MAML3: variants seen among roughly 807,000 people sequenced by gnomAD.
MAML3 encodes the protein mastermind-like protein 3.
A neutral mutation model predicts 101.9 loss-of-function variants in MAML3; 27 were observed. The observed-to-expected ratio is 0.27, with a 90% CI of 0.20 to 0.37. The LOEUF is 0.37. Among genes scored for constraint, MAML3 ranks in the 10% least tolerant of loss-of-function variants. The probability of loss-of-function intolerance (pLI) is 1.00; values close to 1 mark genes in which losing one functional copy is unlikely to be tolerated. For missense variants in MAML3, 1,316 were observed against 1,444.9 expected, an observed-to-expected ratio of 0.91 and a Z score of 1.45; for synonymous variants, 501 against 555.9, an observed-to-expected ratio of 0.90 and a Z score of 1.39.
At chr4:140,151,701 G>GC (rs984027225) in intron 1 of MAML3, among the ~76,000 whole-genome samples, 12 of 151,836 alleles carry the variant, frequency 7.9e-5, no homozygotes, top group Admixed American at 7.2e-4. Flanking sequence ...GGGGGGGGGG[G>GC]GCACACACCT....
chr4:139,988,135 T>C (rs1355727625), intron 1 of MAML3, among the ~76,000 whole-genome samples: 1 of 150,908 alleles, frequency 6.6e-6, no homozygotes, highest in African/African-American at 2.4e-5. Flanking sequence ...AAGACCAGCC[T>C]GGCCAACATG....
At chr4:139,832,031 G>A (rs544662305) in intron 2 of MAML3, among the ~76,000 whole-genome samples, 90 of 147,960 alleles carry the variant, frequency 6.1e-4, no homozygotes, top group African/African-American at 2.2e-3. Flanking sequence ...CTGACTTCGT[G>A]ATCCACCCAC....
intron 1 of MAML3, among the ~76,000 whole-genome samples, chr4:140,036,299 T>C (rs1002653374): frequency 2.6e-5 from 4 of 152,302 alleles, no homozygotes; most frequent in Admixed American, 2.6e-4. Context: ...TTGCCTCAAG[T>C]GGACACAGCA....
intron 2 of MAML3, among the ~76,000 whole-genome samples, chr4:139,748,508 G>T (rs1648090290): frequency 1.3e-5 from 2 of 152,304 alleles, no homozygotes; most frequent in Admixed American, 6.5e-5. Context: ...AAATGCATCA[G>T]TGGAAATGAG....
At chr4:140,080,607 T>G (rs914860435) in intron 1 of MAML3, among the ~76,000 whole-genome samples, 1 of 152,084 alleles carries the variant, frequency 6.6e-6, no homozygotes, top group Non-Finnish European at 1.5e-5. Flanking sequence ...GCAGAGCACC[T>G]CTAAAAAACC....
chr4:139,898,902 G>A (rs747578089), intron 1 of MAML3, among the ~76,000 whole-genome samples: 4 of 152,176 alleles, frequency 2.6e-5, no homozygotes, highest in Non-Finnish European at 5.9e-5. Flanking sequence ...AGATTTAAGT[G>A]CCCTTAGAAA....
intron 1 of MAML3, among the ~76,000 whole-genome samples, chr4:140,121,558 T>C (rs1728606267): frequency 6.6e-6 from 1 of 152,226 alleles, no homozygotes; most frequent in Admixed American, 6.5e-5. Flanking sequence ...TAGCCACTGA[T>C]TTAGCCTACG....
chr4:140,062,435 C>T (rs368081670), intron 1 of MAML3, among the ~76,000 whole-genome samples: 5 of 152,118 alleles, frequency 3.3e-5, no homozygotes, highest in Admixed American at 6.5e-5. Context: ...GGCAGGGCCA[C>T]GCTATCTATG....
intron 1 of MAML3, among the ~76,000 whole-genome samples, chr4:140,013,776 C>T (rs1036982993): frequency 6.6e-6 from 1 of 152,186 alleles, no homozygotes; most frequent in Non-Finnish European, 1.5e-5. Context: ...CTTCCCCATC[C>T]CCAGTGTAAA....
intron 1 of MAML3, among the ~76,000 whole-genome samples, chr4:140,036,632 A>G (rs757921438): frequency 6.6e-6 from 1 of 152,166 alleles, no homozygotes; most frequent in Admixed American, 6.5e-5. Context: ...TGAGAAGAAC[A>G]GCTGCCTATT....
chr4:139,990,007 C>A (rs1734634440), intron 1 of MAML3, among the ~76,000 whole-genome samples: 1 of 151,914 alleles, frequency 6.6e-6, no homozygotes, highest in Non-Finnish European at 1.5e-5. Flanking sequence ...AAAATCAGGA[C>A]TGTAAGAAAA....
At chr4:140,075,115 T>C (rs1233281298) in intron 1 of MAML3, among the ~76,000 whole-genome samples, 2 of 152,218 alleles carry the variant, frequency 1.3e-5, no homozygotes, top group Non-Finnish European at 2.9e-5. Context: ...TTTAGATCTA[T>C]CATCTCATTT....
intron 2 of MAML3, among the ~76,000 whole-genome samples, chr4:139,773,715 T>A (rs559856805): frequency 1.3e-5 from 2 of 152,256 alleles, no homozygotes; most frequent in East Asian, 3.9e-4. Context: ...GGAGAGTGAA[T>A]CTGTGGAGTC....
chr4:139,734,179 A>C (rs1579373894), intron 2 of MAML3, among the ~76,000 whole-genome samples: 1 of 152,294 alleles, frequency 6.6e-6, no homozygotes, highest in Admixed American at 6.5e-5. Context: ...AACATAATAC[A>C]TGGCTTCTTT....
At chr4:140,079,296 TA>T (rs1352096853) in intron 1 of MAML3, among the ~76,000 whole-genome samples, 6 of 152,110 alleles carry the variant, frequency 3.9e-5, no homozygotes, top group Admixed American at 1.3e-4. Flanking sequence ...TTAATTAATT[TA>T]AAAAAAATTT....
At chr4:140,128,768 A>G (rs1728730091) in intron 1 of MAML3, among the ~76,000 whole-genome samples, 1 of 152,220 alleles carries the variant, frequency 6.6e-6, no homozygotes, top group Non-Finnish European at 1.5e-5. Flanking sequence ...AGTGGGCCAC[A>G]TGCAGGGCAA....
intron 1 of MAML3, among the ~76,000 whole-genome samples, chr4:140,026,011 G>C (rs775258148): frequency 2.6e-5 from 4 of 152,052 alleles, no homozygotes; most frequent in Non-Finnish European, 4.4e-5. Context: ...TTACTCATTG[G>C]GTTATACCTA....
intron 1 of MAML3, among the ~76,000 whole-genome samples, chr4:140,122,723 C>G (rs930746819): frequency 7.2e-6 from 1 of 138,698 alleles, no homozygotes; most frequent in South Asian, 2.4e-4. Context: ...ACCCGGGAGG[C>G]GGAGCTTGCA....
At chr4:139,911,804 G>C (rs1207573506) in intron 1 of MAML3, among the ~76,000 whole-genome samples, 1 of 152,202 alleles carries the variant, frequency 6.6e-6, no homozygotes, top group Non-Finnish European at 1.5e-5. Context: ...GCCCTCTCCA[G>C]ACAAGAATGT....
Sources: gnomAD v4.1 joint callset for allele counts (sites outside exome capture counted in the v4.1 genomes callset) on GRCh38, gnomAD v4.1.1 for gene constraint, MANE v1.5 for transcripts, NCBI Gene and HGNC (gene_info 2026-07-23, HGNC 2026-07-21) for gene names.